GRHL2: variants seen among roughly 807,000 people sequenced by gnomAD.
GRHL2 encodes grainyhead-like protein 2 homolog.
A neutral mutation model predicts 83.8 loss-of-function variants in GRHL2; 21 were observed. That is an observed-to-expected ratio of 0.25 (90% CI 0.18 to 0.36). GRHL2 has a LOEUF of 0.36. Ranked by LOEUF, GRHL2 falls within the 10% of genes least tolerant of loss-of-function variation. The pLI, the probability that GRHL2 is intolerant of heterozygous loss-of-function variation, is 1.00. For missense variants in GRHL2, 623 were observed against 781.8 expected, an observed-to-expected ratio of 0.80 and a Z score of 2.42; for synonymous variants, 280 against 278.9, an observed-to-expected ratio of 1.00 and a Z score of -0.04.
At chr8:101,672,837 A>G (rs1172588725), downstream of GRHL2, among the ~76,000 whole-genome samples, 2 of 152,028 alleles carry the variant, frequency 1.3e-5, no homozygotes, top group South Asian at 4.2e-4. Flanking sequence ...GAAGCCCATC[A>G]GACTAACAGC....
At chr8:101,601,712 C>G (rs1045080555) in intron 8 of GRHL2, among the ~76,000 whole-genome samples, 1 of 151,994 alleles carries the variant, frequency 6.6e-6, no homozygotes, top group East Asian at 1.9e-4. Context: ...ATTACTTGGT[C>G]GCAGCAATTG....
chr8:101,542,718 C>A, intron 1 of GRHL2: 1 of 456,262 alleles, frequency 2.2e-6, no homozygotes, highest in Non-Finnish European at 4.4e-6. Context: ...ATTCTGGAGG[C>A]CCAGAAGTCC....
intron 1 of GRHL2, chr8:101,528,864 C>A: frequency 8.6e-6 from 3 of 346,842 alleles, no homozygotes; most frequent in South Asian, 7.9e-5. Flanking sequence ...TATCCAGGTT[C>A]ATGATAGGTT....
chr8:101,600,636 G>A (rs1483057062), intron 8 of GRHL2, among the ~76,000 whole-genome samples: 1 of 152,246 alleles, frequency 6.6e-6, no homozygotes, highest in East Asian at 1.9e-4. Context: ...TCCTGAGCAA[G>A]TTATCTGACC....
chr8:101,511,108 A>G (rs1208246308), intron 1 of GRHL2, among the ~76,000 whole-genome samples: 6 of 152,190 alleles, frequency 3.9e-5, no homozygotes, highest in Admixed American at 1.3e-4. Context: ...CTCAAAAAAA[A>G]AAAATTTTTT....
chr8:101,612,471 G>T (rs1288184046), intron 8 of GRHL2, among the ~76,000 whole-genome samples: 1 of 142,512 alleles, frequency 7.0e-6, no homozygotes, highest in African/African-American at 2.7e-5. Context: ...AGTGTGGATG[G>T]ATGGATGGAT....
intron 4 of GRHL2, among the ~76,000 whole-genome samples, chr8:101,564,011 G>A (rs1188998073): frequency 6.6e-6 from 1 of 152,154 alleles, no homozygotes; most frequent in Non-Finnish European, 1.5e-5. Flanking sequence ...TATCAGTTAT[G>A]TTTGTTGTTT....
chr8:101,553,508 A>G (rs1407690116), intron 3 of GRHL2, among the ~76,000 whole-genome samples: 1 of 152,160 alleles, frequency 6.6e-6, no homozygotes, highest in Non-Finnish European at 1.5e-5. Context: ...ATGGCACAGC[A>G]GGGGTGACTG....
intron 3 of GRHL2, among the ~76,000 whole-genome samples, chr8:101,556,777 T>C (rs1811495829): frequency 6.6e-6 from 1 of 152,200 alleles, no homozygotes; most frequent in Non-Finnish European, 1.5e-5. Flanking sequence ...TTATTTTATT[T>C]CTCCTTTAAG....
intron 4 of GRHL2, among the ~76,000 whole-genome samples, chr8:101,560,205 T>TG (rs1811580303): frequency 1.3e-5 from 2 of 149,054 alleles, no homozygotes; most frequent in East Asian, 2.0e-4. Flanking sequence ...TGTGTGTGTG[T>TG]TTTTAGTAGA....
intron 6 of GRHL2, among the ~76,000 whole-genome samples, chr8:101,577,122 T>C (rs1181332124): frequency 6.6e-6 from 1 of 152,170 alleles, no homozygotes; most frequent in East Asian, 1.9e-4. Context: ...AATAATACAT[T>C]TGCTGCTAAT....
intron 7 of GRHL2, among the ~76,000 whole-genome samples, chr8:101,592,181 T>C (rs892911749): frequency 2.2e-5 from 3 of 134,380 alleles, no homozygotes; most frequent in Non-Finnish European, 4.6e-5. Flanking sequence ...CTCGGCTCAC[T>C]GCAACCTCCG....
At chr8:101,671,114 T>C (rs1036338923), downstream of GRHL2, among the ~76,000 whole-genome samples, 2 of 152,186 alleles carry the variant, frequency 1.3e-5, no homozygotes, top group Non-Finnish European at 2.9e-5. Flanking sequence ...ACGGTTGATT[T>C]CTGTATTTCC....
At chr8:101,498,649 G>A (rs1177272360) in intron 1 of GRHL2, among the ~76,000 whole-genome samples, 1 of 152,136 alleles carries the variant, frequency 6.6e-6, no homozygotes, top group Non-Finnish European at 1.5e-5. Flanking sequence ...TGACTGCAGG[G>A]TCTGGGCCAT....
chr8:101,552,261 C>A (rs1295248209), intron 2 of GRHL2, among the ~76,000 whole-genome samples: 1 of 152,170 alleles, frequency 6.6e-6, no homozygotes, highest in African/African-American at 2.4e-5. Flanking sequence ...CTAAGCACTC[C>A]CAACCACGTC....
chr8:101,652,559 T>G, intron 14 of GRHL2, among the ~76,000 whole-genome samples: 1 of 53,068 alleles, frequency 1.9e-5, no homozygotes, highest in Non-Finnish European at 3.5e-5. Flanking sequence ...TGTGTATGTG[T>G]GGTGGTGTGT....
intron 9 of GRHL2, among the ~76,000 whole-genome samples, chr8:101,625,900 G>A (rs189874506): frequency 6.6e-6 from 1 of 152,076 alleles, no homozygotes; most frequent in East Asian, 1.9e-4. Flanking sequence ...AGTCGGGGAT[G>A]TCAGGAAAAT....
At chr8:101,567,784 T>C (rs1197014401) in intron 4 of GRHL2, among the ~76,000 whole-genome samples, 1 of 152,214 alleles carries the variant, frequency 6.6e-6, no homozygotes, top group African/African-American at 2.4e-5. Flanking sequence ...TCTCATGCCA[T>C]CTGGGGGATT....
intron 13 of GRHL2, 93 bp downstream of exon 13, chr8:101,644,318 C>T: frequency 2.1e-6 from 2 of 953,068 alleles, no homozygotes; most frequent in East Asian, 5.2e-5. Flanking sequence ...GCCCCCATGG[C>T]TCTGTGCCAG....
Sources: gnomAD v4.1 joint callset for allele counts (sites outside exome capture counted in the v4.1 genomes callset) on GRCh38, gnomAD v4.1.1 for gene constraint, MANE v1.5 for transcripts, NCBI Gene and HGNC (gene_info 2026-07-23, HGNC 2026-07-21) for gene names.